KDM2A: variants seen among roughly 807,000 people sequenced by gnomAD.
KDM2A encodes the protein lysine-specific demethylase 2A.
Under a neutral mutation model 137.3 loss-of-function variants are expected in KDM2A, and 3 were observed. That is an observed-to-expected ratio of 0.02 (90% CI 0.01 to 0.06). The LOEUF (loss-of-function observed/expected upper bound fraction) is 0.06. Ranked by LOEUF, KDM2A falls within the 10% of genes least tolerant of loss-of-function variation. The pLI, the probability that KDM2A is intolerant of heterozygous loss-of-function variation, is 1.00. For synonymous variants in KDM2A, 512 were observed against 541.5 expected, an observed-to-expected ratio of 0.95 and a Z score of 0.76; for missense variants, 738 against 1,510.6, an observed-to-expected ratio of 0.49 and a Z score of 8.48.
intron 5 of KDM2A, among the ~76,000 whole-genome samples, chr11:67,202,442 TATCA>T (rs1483839136): frequency 1.3e-5 from 2 of 152,116 alleles, no homozygotes; most frequent in Non-Finnish European, 2.9e-5. Flanking sequence ...TGAAAGGAAG[TATCA>T]ATCCATGTTG....
chr11:67,253,944 G>A (rs1178051706), intron 19 of KDM2A, among the ~76,000 whole-genome samples: 1 of 152,192 alleles, frequency 6.6e-6, no homozygotes, highest in Non-Finnish European at 1.5e-5. Context: ...GTATTGGAAG[G>A]GGAGGAGCAT....
chr11:67,196,310 T>C (rs1281569240), intron 5 of KDM2A: 3 of 455,988 alleles, frequency 6.6e-6, no homozygotes, highest in Non-Finnish European at 8.8e-6. Flanking sequence ...CAAGTGGGCC[T>C]ATTACAGTTT....
chr11:67,173,448 G>A (rs542742114), intron 2 of KDM2A, among the ~76,000 whole-genome samples: 23 of 152,056 alleles, frequency 1.5e-4, no homozygotes, highest in Non-Finnish European at 2.9e-4. Flanking sequence ...AGTAGAGAAG[G>A]GGTTTTGCAA....
At chr11:67,201,354 T>C (rs1717340656) in intron 5 of KDM2A, among the ~76,000 whole-genome samples, 1 of 151,922 alleles carries the variant, frequency 6.6e-6, no homozygotes, top group Admixed American at 6.6e-5. Context: ...TAAGAACATA[T>C]TTATGGCCAG....
chr11:67,127,011 A>G (rs1765241736), intron 2 of KDM2A, among the ~76,000 whole-genome samples: 1 of 152,172 alleles, frequency 6.6e-6, no homozygotes, highest in African/African-American at 2.4e-5. Flanking sequence ...AAGTTTGTAT[A>G]CCTGAGAAGG....
At chr11:67,163,441 AAAG>A (rs1856677606) in intron 2 of KDM2A, among the ~76,000 whole-genome samples, 2 of 152,306 alleles carry the variant, frequency 1.3e-5, no homozygotes, top group African/African-American at 4.8e-5. Context: ...TTGGAATGAT[AAAG>A]AAGGACATTT....
At chr11:67,251,258 G>A (rs985744937) in intron 17 of KDM2A, among the ~76,000 whole-genome samples, 4 of 152,210 alleles carry the variant, frequency 2.6e-5, no homozygotes, top group Non-Finnish European at 5.9e-5. Context: ...AAGTGGGCAT[G>A]CTTTTCAAGA....
chr11:67,193,016 G>A (rs1857394216), intron 5 of KDM2A, among the ~76,000 whole-genome samples: 1 of 152,008 alleles, frequency 6.6e-6, no homozygotes, highest in Non-Finnish European at 1.5e-5. Context: ...GGGTATCAGA[G>A]TCTCACTTTG....
At chr11:67,139,974 A>G (rs934779535) in intron 2 of KDM2A, among the ~76,000 whole-genome samples, 2 of 151,514 alleles carry the variant, frequency 1.3e-5, no homozygotes, top group Non-Finnish European at 2.9e-5. Context: ...ACAGTGTTGG[A>G]ACTATAGGCG....
chr11:67,147,504 T>C (rs1856279969), intron 2 of KDM2A, among the ~76,000 whole-genome samples: 1 of 149,604 alleles, frequency 6.7e-6, no homozygotes, highest in Non-Finnish European at 1.5e-5. Flanking sequence ...ATCGCGCCAC[T>C]GCACTCCAGC....
At chr11:67,152,989 C>CTT (rs35601441) in intron 2 of KDM2A, among the ~76,000 whole-genome samples, 293 of 135,656 alleles carry the variant, frequency 2.2e-3, no homozygotes, top group Middle Eastern at 7.3e-3. Flanking sequence ...CATGGTATGT[C>CTT]TTTTTTTTTT....
Position 67,245,068 on chromosome 11 carries a change from A to T in KDM2A, c.1564-121A>T. On this transcript the variant is annotated intron_variant, in intron 13 of 20. Coordinates refer to ENST00000529006, the MANE Select transcript of KDM2A (RefSeq NM_012308.3). This position sits in a 1 kb window ranked among gnomAD's most constrained non-coding sequence, Gnocchi z 4.1. ...AATAAAATTTATTCTAGAAACAAGC[A>T]GTGGGCAGATCTGGCCATAGTGGGC... 1 of 977,196 alleles carries T rather than the reference A, an allele frequency of 1.0e-6. No individual in the cohort carries two copies. 60.5% of individuals were successfully genotyped at this position (977,196 alleles called of 1,614,324 possible). A position where few individuals can be genotyped will look rare whatever the true frequency, so the allele number is the denominator to read the frequency against.
intron 3 of KDM2A, 114 bp downstream of exon 3, chr11:67,180,331 T>C (rs1466335848): frequency 4.6e-6 from 5 of 1,093,244 alleles, no homozygotes; most frequent in Non-Finnish European, 5.1e-6. Flanking sequence ...ATGTTATCTA[T>C]CTATTTTCTC....
At chr11:67,154,229 T>C (rs1388695857) in intron 2 of KDM2A, among the ~76,000 whole-genome samples, 1 of 152,244 alleles carries the variant, frequency 6.6e-6, no homozygotes, top group Non-Finnish European at 1.5e-5. Context: ...TTTGATTTTG[T>C]ACAGCCCATC....
Position 67,246,124 on chromosome 11 carries a change from G to T in KDM2A, c.1965+8G>T. The T allele has an allele frequency of 6.2e-7, 1 of 1,613,586 alleles. No homozygotes were observed. The highest frequency in any genetic ancestry group is 1.1e-5 in the South Asian group (1 of 90,960). On this transcript the variant is annotated splice_region_variant and intron_variant, in intron 15 of 20. Transcript: ENST00000529006. ...CATCCTGGCTGCCTCCAGGTGAGGA[G>T]AGCTATGAGGGGTTCCTGAAGTCTC...
chr11:67,221,810 C>A (rs1478982950), intron 10 of KDM2A, among the ~76,000 whole-genome samples: 1 of 151,960 alleles, frequency 6.6e-6, no homozygotes, highest in African/African-American at 2.4e-5. Flanking sequence ...TGGTGCATGC[C>A]TGTAATCCTA....
intron 5 of KDM2A, among the ~76,000 whole-genome samples, chr11:67,202,235 G>GT (rs1467302096): frequency 2.0e-5 from 3 of 152,216 alleles, no homozygotes; most frequent in African/African-American, 4.8e-5. Flanking sequence ...AAAGAAGTTT[G>GT]TTTTTTTAAG....
chr11:67,250,607 A>C lies in KDM2A; in HGVS notation c.2577A>C (p.Glu859Asp), dbSNP rs899484640. 9 of 1,611,242 alleles carry C rather than the reference A, an allele frequency of 5.6e-6. No individual in the cohort carries two copies. The highest frequency in any genetic ancestry group is 7.6e-6 in the Non-Finnish European group (9 of 1,178,056). The change falls in exon 17 of 21, where the codon GAA becomes GAC. Residue 859 changes from glutamate (E) to aspartate (D), a missense_variant. Coordinates refer to ENST00000529006, the MANE Select transcript of KDM2A (RefSeq NM_012308.3). This position sits in a 1 kb window ranked among gnomAD's most constrained non-coding sequence, Gnocchi z 7.1. ...AGGGGCTGGGGGGAGAGGAGGAGGA[A>C]GAGGAGGAGGAGGAGGAGGAAGATG... ...DEEGLGGEEEEEEEEEEEDDS... is the reference protein window; with the variant it reads ...DEEGLGGEEEDEEEEEEEDDS...
intron 2 of KDM2A, among the ~76,000 whole-genome samples, chr11:67,129,335 T>C (rs1855798406): frequency 6.6e-6 from 1 of 152,214 alleles, no homozygotes; most frequent in East Asian, 1.9e-4. Flanking sequence ...AGGCCTGTAA[T>C]CCCAGCACTT....
Sources: gnomAD v4.1 joint callset for allele counts (sites outside exome capture counted in the v4.1 genomes callset) on GRCh38, gnomAD v4.1.1 for gene constraint, Gnocchi (gnomAD v3.1) non-coding constraint, MANE v1.5 for transcripts, NCBI Gene and HGNC (gene_info 2026-07-23, HGNC 2026-07-21) for gene names.